The following ESF1 variants were observed in gnomAD, a reference collection of about 807,000 sequenced individuals.
ESF1 encodes the protein ESF1 homolog.
In ESF1, 58 loss-of-function variants were observed where a neutral mutation model predicts 92.0. The ratio of observed to expected loss-of-function variants is 0.63; its 90% CI spans 0.51 to 0.78. The LOEUF is 0.78. ESF1 is among the 30% of genes least tolerant of loss of function. The probability of loss-of-function intolerance (pLI) is 0.00; values close to 1 mark genes in which losing one functional copy is unlikely to be tolerated. For synonymous variants in ESF1, 321 were observed against 313.7 expected, an observed-to-expected ratio of 1.02 and a Z score of -0.24; for missense variants, 922 against 989.1, an observed-to-expected ratio of 0.93 and a Z score of 0.91.
rs969550578 is a variant in ESF1, at chr20:13,783,324, T to C, written c.-43-141A>G. The stretch of plus-strand genomic sequence containing the variant: ...AATAGAGGTAACAAGTCTAATTTCA[T>C]CTCTCCAACGTATTCTGGGTCACAT... On this transcript the variant is annotated intron_variant, in intron 1 of 13. Coordinates refer to ENST00000617257, the MANE Select transcript of ESF1 (RefSeq NM_001276380.2). The C allele has an allele frequency of 4.3e-6, 3 of 693,824 alleles. No individual in the cohort carries two copies. In the African/African-American group the frequency reaches 5.4e-5, roughly 13 times the overall value. The allele number at this position is 693,824 out of a possible 1,614,324, so 43.0% of individuals were successfully genotyped here. A position where few individuals can be genotyped will look rare whatever the true frequency, so the allele number is the denominator to read the frequency against.
rs1979926580 is a variant in ESF1 at position 13,776,086 on chromosome 20, ATCT to A, written c.819_821del (p.Glu273del). 1.9e-6 allele frequency: 3 copies of A among 1,613,642 alleles called. No individual in the cohort carries two copies. The highest frequency in any genetic ancestry group is 1.7e-6 in the Non-Finnish European group (2 of 1,179,808). On this transcript the variant is annotated inframe_deletion, in exon 3 of 14. Coordinates refer to ENST00000617257, the MANE Select transcript of ESF1 (RefSeq NM_001276380.2). Reference sequence around the variant, plus strand: ...CTTCATCTTCATCCTCCTCTTCATCATCTTCACTTCCATCGTCATCACCTGAAG... The same window carrying A: ...CTTCATCTTCATCCTCCTCTTCATCATCACTTCCATCGTCATCACCTGAAG...
At chr20:13,766,665 G>A (rs1217201620) in intron 8 of ESF1, 112 bp downstream of exon 8, 1 of 968,092 alleles carries the variant, frequency 1.0e-6, no homozygotes, top group Non-Finnish European at 1.5e-6. Flanking sequence ...CTATCTACAG[G>A]TATATATAAT....
At chr20:13,762,208 A>G (rs1979232070) in intron 8 of ESF1, among the ~76,000 whole-genome samples, 1 of 152,204 alleles carries the variant, frequency 6.6e-6, no homozygotes, top group Non-Finnish European at 1.5e-5. Flanking sequence ...CTATATGTAT[A>G]TATTGTTTTC....
At chr20:13,759,554 G>A in intron 9 of ESF1, 138 bp downstream of exon 9, 2 of 1,139,660 alleles carry the variant, frequency 1.8e-6, no homozygotes, top group Non-Finnish European at 2.3e-6. Context: ...TAAAATGCTA[G>A]TCATTAAGTT....
intron 2 of ESF1, among the ~76,000 whole-genome samples, chr20:13,777,732 C>A (rs1980007608): frequency 6.6e-6 from 1 of 152,232 alleles, no homozygotes; most frequent in African/African-American, 2.4e-5. Flanking sequence ...ACTTCTAAAG[C>A]AATCACAGGC....
At chr20:13,747,400 A>C (rs534577180) in intron 9 of ESF1, among the ~76,000 whole-genome samples, 4 of 152,152 alleles carry the variant, frequency 2.6e-5, no homozygotes, top group African/African-American at 9.6e-5. Context: ...CTCTACTAAA[A>C]ATACAAAAAT....
At chr20:13,760,596 C>T (rs576006218) in intron 8 of ESF1, among the ~76,000 whole-genome samples, 6 of 150,914 alleles carry the variant, frequency 4.0e-5, no homozygotes, top group Non-Finnish European at 7.4e-5. Flanking sequence ...CCCCTCCGCC[C>T]GGCAGCCACC....
intron 2 of ESF1, 151 bp downstream of exon 2, chr20:13,782,353 C>G: frequency 3.2e-6 from 2 of 627,552 alleles, no homozygotes; most frequent in Non-Finnish European, 4.9e-6. Context: ...ATAATCACTG[C>G]ATATTTCTTT....
intron 9 of ESF1, among the ~76,000 whole-genome samples, chr20:13,734,370 G>A (rs1277442734): frequency 6.6e-6 from 1 of 152,158 alleles, no homozygotes; most frequent in African/African-American, 2.4e-5. Context: ...AATATCCCAT[G>A]AGCAAAGGAT....
intron 9 of ESF1, among the ~76,000 whole-genome samples, chr20:13,745,487 T>C (rs1408847886): frequency 6.6e-6 from 1 of 152,252 alleles, no homozygotes; most frequent in African/African-American, 2.4e-5. Context: ...AGTCTCGCTC[T>C]GTGGCCCAGG....
intron 9 of ESF1, among the ~76,000 whole-genome samples, chr20:13,754,527 C>T (rs1055868630): frequency 6.6e-6 from 1 of 152,050 alleles, no homozygotes; most frequent in Admixed American, 6.6e-5. Context: ...CAACTGATTC[C>T]TTGGCATGTC....
intron 2 of ESF1, 133 bp downstream of exon 2, chr20:13,782,371 T>C: frequency 1.4e-6 from 1 of 713,750 alleles, no homozygotes; most frequent in Non-Finnish European, 2.1e-6. Flanking sequence ...TTTTATAGCT[T>C]TGTATTTCCA....
chr20:13,731,738 G>A (rs1568711976), intron 10 of ESF1, among the ~76,000 whole-genome samples: 1 of 152,140 alleles, frequency 6.6e-6, no homozygotes, highest in Non-Finnish European at 1.5e-5. Flanking sequence ...CTTAAGGGCA[G>A]GACTGTACTC....
At chr20:13,744,606 T>G (rs1057162229) in intron 9 of ESF1, among the ~76,000 whole-genome samples, 1 of 152,236 alleles carries the variant, frequency 6.6e-6, no homozygotes, top group African/African-American at 2.4e-5. Context: ...CCAGCCACAC[T>G]GGCCTCCTTA....
At chr20:13,740,652 A>G (rs2050006260) in intron 9 of ESF1, among the ~76,000 whole-genome samples, 1 of 152,212 alleles carries the variant, frequency 6.6e-6, no homozygotes, top group South Asian at 2.1e-4. Flanking sequence ...AATCTTCAGT[A>G]TTTTGGGTAT....
chr20:13,752,242 A>G (rs936156635), intron 9 of ESF1, among the ~76,000 whole-genome samples: 2 of 152,154 alleles, frequency 1.3e-5, no homozygotes, highest in African/African-American at 4.8e-5. Context: ...CTCATAGTCA[A>G]CCTGTTAACT....
intron 9 of ESF1, among the ~76,000 whole-genome samples, chr20:13,752,403 T>C (rs998073657): frequency 1.3e-5 from 2 of 152,228 alleles, no homozygotes; most frequent in Non-Finnish European, 2.9e-5. Flanking sequence ...TTTTAGCTTA[T>C]TTTTAAGTTC....
chr20:13,776,274 C>A lies in ESF1; in HGVS notation c.638-4G>T, dbSNP rs1281505798. On this transcript the variant is annotated splice_polypyrimidine_tract_variant and splice_region_variant and intron_variant, in intron 2 of 13. Transcript: ENST00000617257. ...CTTGTCATTATGAGTTGAACCACTGCAAAATGTTAAAGGGGAAAGAAATTA... is the reference window on the plus strand; with the variant it reads ...CTTGTCATTATGAGTTGAACCACTGAAAAATGTTAAAGGGGAAAGAAATTA... The A allele has an allele frequency of 5.0e-6, 8 of 1,600,714 alleles. No homozygotes were observed. Among genetic ancestry groups the A allele is most frequent in the Non-Finnish European group, 6.0e-6 (7 of 1,174,004 alleles).
intron 10 of ESF1, among the ~76,000 whole-genome samples, chr20:13,733,089 C>G (rs980911161): frequency 7.4e-5 from 11 of 149,608 alleles, no homozygotes; most frequent in Admixed American, 7.2e-4. Context: ...CCACATCCAC[C>G]TAATTTTTGC....
Sources: gnomAD v4.1 joint callset for allele counts (sites outside exome capture counted in the v4.1 genomes callset) on GRCh38, gnomAD v4.1.1 for gene constraint, MANE v1.5 for transcripts, NCBI Gene and HGNC (gene_info 2026-07-23, HGNC 2026-07-21) for gene names.